Variants in ABT1 observed in about 807,000 individuals in gnomAD.
The protein encoded by ABT1 is activator of basal transcription 1.
In ABT1, 13 loss-of-function variants were observed where a neutral mutation model predicts 14.0. That is an observed-to-expected ratio of 0.93 (90% CI 0.61 to 1.48). ABT1 has a LOEUF of 1.48. Ranked by LOEUF, ABT1 falls within the 40% of genes most tolerant of loss-of-function variation. The probability of loss-of-function intolerance (pLI) is 0.00; values close to 1 mark genes in which losing one functional copy is unlikely to be tolerated. For missense variants in ABT1, 430 were observed against 380.0 expected, an observed-to-expected ratio of 1.13 and a Z score of -1.09; for synonymous variants, 165 against 144.6, an observed-to-expected ratio of 1.14 and a Z score of -1.01.
rs548561536 is a variant in ABT1, at chr6:26,598,171, A to G, written c.438+61A>G. 3.0e-5 allele frequency: 47 copies of G among 1,577,198 alleles called. No homozygotes were observed. In the South Asian group the frequency reaches 3.2e-4, roughly 11 times the overall value. Reference sequence around the variant, plus strand: ...CTCCCTTCTCCCCAACTCTGGCCCAAGTATCCCCATGGCCTCTCATTGGCC... The same window carrying G: ...CTCCCTTCTCCCCAACTCTGGCCCAGGTATCCCCATGGCCTCTCATTGGCC... On this transcript the variant is annotated intron_variant, in intron 2 of 2. Transcript: ENST00000274849.
chr6:26,598,440 C>G lies in ABT1; in HGVS notation c.614C>G (p.Pro205Arg). The G allele has an allele frequency of 1.9e-6, 3 of 1,614,204 alleles. No individual in the cohort carries two copies. Among genetic ancestry groups the G allele is most frequent in the Non-Finnish European group, 2.5e-6 (3 of 1,180,016 alleles). ...GCGGCCGATGGGGACCCTGCTCGCC[C>G]AGATGGCTCCTGGACATTTGCCCAG... The part of the protein sequence containing the change: ...FLAADGDPAR[P>R]DGSWTFAQRP... The change falls in exon 3 of 3, where the codon CCA becomes CGA. Residue 205 changes from proline (P) to arginine (R), a missense_variant. By Grantham distance (103) the Pro-to-Arg change is moderately radical. Transcript: ENST00000274849.
Position 26,596,959 on chromosome 6 carries a change from G to T in ABT1, c.-24G>T. 1 of 1,601,060 alleles carries T rather than the reference G, an allele frequency of 6.2e-7. No homozygotes were observed. The highest frequency in any genetic ancestry group is 8.5e-7 in the Non-Finnish European group (1 of 1,174,270). On this transcript the variant is annotated 5_prime_UTR_variant, in exon 1 of 3. Coordinates refer to ENST00000274849, the MANE Select transcript of ABT1 (RefSeq NM_013375.4). Reference sequence around the variant, plus strand: ...TCAGTTGGCAAGGCACTTTACGGCCGTCGTGCCGCTCGTGTCAGTCAACAT... The same window carrying T: ...TCAGTTGGCAAGGCACTTTACGGCCTTCGTGCCGCTCGTGTCAGTCAACAT...
chr6:26,597,992 A>AG lies in ABT1; in HGVS notation c.323dup (p.Trp109MetfsTer6). On this transcript the variant is annotated frameshift_variant, in exon 2 of 3. Coordinates refer to ENST00000274849, the MANE Select transcript of ABT1 (RefSeq NM_013375.4). LOFTEE classifies it high-confidence loss of function. ...CGGTCCTACACCAAGGACTACACCGAGGGATGGGTGGAGTTCCGTGACAAG... is the reference window on the plus strand; with the variant it reads ...CGGTCCTACACCAAGGACTACACCGAGGGGATGGGTGGAGTTCCGTGACAAG... 6.2e-7 allele frequency: 1 copy of AG among 1,614,226 alleles called. No individual in the cohort carries two copies. The highest frequency in any genetic ancestry group is 1.3e-5 in the African/African-American group (1 of 75,052).
rs1245406378 is a variant in ABT1 at position 26,598,714 on chromosome 6, G to A, written c.*69G>A. The A allele has an allele frequency of 1.8e-5, 27 of 1,484,844 alleles. No individual in the cohort carries two copies. Among genetic ancestry groups the A allele is most frequent in the Non-Finnish European group, 2.4e-5 (27 of 1,120,520 alleles). 92.0% of individuals were successfully genotyped at this position (1,484,844 alleles called of 1,614,324 possible). A position where few individuals can be genotyped will look rare whatever the true frequency, so the allele number is the denominator to read the frequency against. On this transcript the variant is annotated 3_prime_UTR_variant, in exon 3 of 3. Transcript: ENST00000274849. ...CTGTCTACCTCATACTAGAATGATC[G>A]TGACTACCCGGGCAGACATTTTACT...
rs917214516 is a variant in ABT1, at chr6:26,599,513, C to T, written c.*868C>T. Reference sequence around the variant, plus strand: ...TCAATGGGAACCTGATTGATGATCACAGTCTTCAGTGGTGAGTCAGTCCTC... The same window carrying T: ...TCAATGGGAACCTGATTGATGATCATAGTCTTCAGTGGTGAGTCAGTCCTC... On this transcript the variant is annotated 3_prime_UTR_variant, in exon 3 of 3. Coordinates refer to ENST00000274849, the MANE Select transcript of ABT1 (RefSeq NM_013375.4). The T allele has an allele frequency of 9.2e-5, 14 of 152,216 alleles. No individual in the cohort carries two copies. The highest frequency in any genetic ancestry group is 2.1e-4 in the South Asian group (1 of 4,836). 9.4% of individuals were successfully genotyped at this position (152,216 alleles called of 1,614,324 possible). A position where few individuals can be genotyped will look rare whatever the true frequency, so the allele number is the denominator to read the frequency against.
At position 26,598,438 on chromosome 6, in the gene ABT1, C is replaced by T. The variant is rs1421434682; in HGVS notation, c.612C>T (p.Arg204=). ...TTGCGGCCGATGGGGACCCTGCTCGCCCAGATGGCTCCTGGACATTTGCCC... is the reference window on the plus strand; with the variant it reads ...TTGCGGCCGATGGGGACCCTGCTCGTCCAGATGGCTCCTGGACATTTGCCC... ...RFLAADGDPA[R]PDGSWTFAQR... Residue 204 remains arginine, a synonymous_variant, in exon 3 of 3, where the codon CGC becomes CGT. Coordinates refer to ENST00000274849, the MANE Select transcript of ABT1 (RefSeq NM_013375.4). The T allele has an allele frequency of 1.2e-6, 2 of 1,614,232 alleles. No individual in the cohort carries two copies. The highest frequency in any genetic ancestry group is 1.7e-6 in the Non-Finnish European group (2 of 1,180,040).
Position 26,597,935 on chromosome 6 carries a change from AG to A in ABT1, c.264del (p.Lys89ArgfsTer29). The A allele has an allele frequency of 6.2e-7, 1 of 1,613,092 alleles. No homozygotes were observed. The highest frequency in any genetic ancestry group is 8.5e-7 in the Non-Finnish European group (1 of 1,179,294). On this transcript the variant is annotated frameshift_variant, in exon 2 of 3. Transcript: ENST00000274849. LOFTEE classifies it high-confidence loss of function. Reference sequence around the variant, plus strand: ...GCAGACCGGTTCGTGAGACGCAAGAAGAAGGCAGCAGCAGCTGCCGGAGGAA... The same window carrying A: ...GCAGACCGGTTCGTGAGACGCAAGAAAAGGCAGCAGCAGCTGCCGGAGGAA... ...QAEDRFVRRK[K>X]KAAAAAGGKK...
At chr6:26,597,364 T>C (rs918285575) in intron 1 of ABT1, 141 bp downstream of exon 1, 14 of 1,144,740 alleles carry the variant, frequency 1.2e-5, no homozygotes, top group Admixed American at 8.1e-5. Flanking sequence ...GGTGCTTGGC[T>C]CCTGGCTGGT....
chr6:26,598,737 ACTGTG>A lies in ABT1; in HGVS notation c.*93_*97del. The stretch of plus-strand genomic sequence containing the variant: ...TCGTGACTACCCGGGCAGACATTTT[ACTGTG>A]TTTCTCAGACCAAGTGTCTACTGAT... On this transcript the variant is annotated 3_prime_UTR_variant, in exon 3 of 3. Transcript: ENST00000274849. 6.9e-7 allele frequency: 1 copy of A among 1,454,880 alleles called. No homozygotes were observed. The highest frequency in any genetic ancestry group is 9.1e-7 in the Non-Finnish European group (1 of 1,102,112). The allele number at this position is 1,454,880 out of a possible 1,614,324, so 90.1% of individuals were successfully genotyped here.
In ABT1 at chr6:26,598,398, G is replaced by A. The variant is rs558509966; in HGVS notation, c.572G>A (p.Arg191Gln). 4 of 1,614,258 alleles carry A rather than the reference G, an allele frequency of 2.5e-6. No individual in the cohort carries two copies. The South Asian group carries it at 3.3e-5, about 13-fold the overall frequency. The change falls in exon 3 of 3, where the codon CGG (arginine) becomes CAG (glutamine). Residue 191 changes from arginine (R) to glutamine (Q), a missense_variant. Transcript: ENST00000274849. ...ETDFYLQSVE[R>Q]GQRFLAADGD... Reference sequence around the variant, plus strand: ...GACTTCTATCTTCAAAGTGTGGAACGGGGACAACGCTTTCTTGCGGCCGAT... The same window carrying A: ...GACTTCTATCTTCAAAGTGTGGAACAGGGACAACGCTTTCTTGCGGCCGAT...
rs1764947578 is a variant in ABT1 at position 26,599,374 on chromosome 6, A to G, written c.*729A>G. 6.6e-6 allele frequency: 1 copy of G among 152,190 alleles called. No individual in the cohort carries two copies. Among genetic ancestry groups the G allele is most frequent in the African/African-American group, 2.4e-5 (1 of 41,438 alleles). The allele number at this position is 152,190 out of a possible 1,614,324, so 9.4% of individuals were successfully genotyped here. A position where few individuals can be genotyped will look rare whatever the true frequency, so the allele number is the denominator to read the frequency against. ...CATTGTTTGAGGAAACAGTGACAAT[A>G]GGTAATAACACATCTTAGTATTAAG... On this transcript the variant is annotated 3_prime_UTR_variant, in exon 3 of 3. Coordinates refer to ENST00000274849, the MANE Select transcript of ABT1 (RefSeq NM_013375.4).
rs536915270 is a variant in ABT1, at chr6:26,597,035, G to A, written c.53G>A (p.Gly18Glu). The A allele has an allele frequency of 7.4e-6, 12 of 1,613,734 alleles. No homozygotes were observed. In the African/African-American group the frequency reaches 9.3e-5, roughly 13 times the overall value. ...KAATEQEPLE[G>E]TEQTLDAEEE... ...GCAACGGAGCAAGAGCCGCTGGAAG[G>A]GACAGAACAGACACTAGATGCGGAG... The change falls in exon 1 of 3, where the codon GGG becomes GAG. Residue 18 changes from glycine (G) to glutamate (E), a missense_variant. Physicochemically the swap from Gly to Glu is moderately conservative, Grantham distance 98. Transcript: ENST00000274849.
rs542857492 is a variant in ABT1, at chr6:26,600,497, C to T, written c.*1852C>T. ...ACAGTTCTGTACAAAGAGCTCACAC[C>T]TGCGGCCAGGCAAGCTAAGTAAGTC... On this transcript the variant is annotated 3_prime_UTR_variant, in exon 3 of 3. Coordinates refer to ENST00000274849, the MANE Select transcript of ABT1 (RefSeq NM_013375.4). The T allele has an allele frequency of 6.6e-6, 1 of 152,234 alleles. No individual in the cohort carries two copies. Among genetic ancestry groups the T allele is most frequent in the Admixed American group, 6.5e-5 (1 of 15,286 alleles). 9.4% of individuals were successfully genotyped at this position (152,234 alleles called of 1,614,324 possible). A position where few individuals can be genotyped will look rare whatever the true frequency, so the allele number is the denominator to read the frequency against.
Position 26,598,849 on chromosome 6 carries a change from A to G in ABT1, c.*204A>G. On this transcript the variant is annotated 3_prime_UTR_variant, in exon 3 of 3. Transcript: ENST00000274849. ...TGCCTGGCTGAGTCACCTAATTCAT[A>G]CTGTCATACTAGCATAATTATGACT... is the stretch of plus-strand genomic sequence containing the variant. 1.8e-6 allele frequency: 1 copy of G among 556,740 alleles called. No homozygotes were observed. The highest frequency in any genetic ancestry group is 3.0e-6 in the Non-Finnish European group (1 of 331,266). 34.5% of individuals were successfully genotyped at this position (556,740 alleles called of 1,614,324 possible). A position where few individuals can be genotyped will look rare whatever the true frequency, so the allele number is the denominator to read the frequency against.
Position 26,598,055 on chromosome 6 carries a change from C to CGCCTATGG in ABT1, c.385_392dup (p.Ala132LeufsTer43), listed in dbSNP as rs1764927107. On this transcript the variant is annotated frameshift_variant, in exon 2 of 3. Coordinates refer to ENST00000274849, the MANE Select transcript of ABT1 (RefSeq NM_013375.4). LOFTEE classifies it high-confidence loss of function. ...CGCGTGGCGGCCAGTCTACACAACACGCCTATGGGTGCCCGCAGGCGCAGC... is the reference window on the plus strand; with the variant it reads ...CGCGTGGCGGCCAGTCTACACAACACGCCTATGGGCCTATGGGTGCCCGCAGGCGCAGC... The CGCCTATGG allele has an allele frequency of 1.2e-6, 2 of 1,614,086 alleles. No homozygotes were observed. The highest frequency in any genetic ancestry group is 2.7e-5 in the African/African-American group (2 of 74,950).
In ABT1 at chr6:26,599,370, CAATAGGT is replaced by C. The variant is rs1425338037; in HGVS notation, c.*730_*736del. 2 of 152,042 alleles carry C rather than the reference CAATAGGT, an allele frequency of 1.3e-5. No homozygotes were observed. The highest frequency in any genetic ancestry group is 4.8e-5 in the African/African-American group (2 of 41,384). The allele number at this position is 152,042 out of a possible 1,614,324, so 9.4% of individuals were successfully genotyped here. A position where few individuals can be genotyped will look rare whatever the true frequency, so the allele number is the denominator to read the frequency against. ...AAGCCATTGTTTGAGGAAACAGTGA[CAATAGGT>C]AATAACACATCTTAGTATTAAGAGT... On this transcript the variant is annotated 3_prime_UTR_variant, in exon 3 of 3. Coordinates refer to ENST00000274849, the MANE Select transcript of ABT1 (RefSeq NM_013375.4).
At position 26,596,997 on chromosome 6, in the gene ABT1, A is replaced by G; in HGVS notation, c.15A>G (p.Glu5=). Reference sequence around the variant, plus strand: ...TGTCAGTCAACATGGAGGCAGAGGAATCGGAGAAGGCCGCAACGGAGCAAG... The same window carrying G: ...TGTCAGTCAACATGGAGGCAGAGGAGTCGGAGAAGGCCGCAACGGAGCAAG... MEAE[E]SEKAATEQEP... is the part of the protein sequence containing the mutation. Residue 5 remains glutamate, a synonymous_variant, in exon 1 of 3, where the codon GAA becomes GAG. Transcript: ENST00000274849. 1.2e-6 allele frequency: 2 copies of G among 1,611,770 alleles called. No homozygotes were observed. The highest frequency in any genetic ancestry group is 1.7e-6 in the Non-Finnish European group (2 of 1,179,272).
chr6:26,597,375 G>T, intron 1 of ABT1, 152 bp downstream of exon 1: 4 of 726,226 alleles, frequency 5.5e-6, no homozygotes, highest in African/African-American at 1.9e-5. Flanking sequence ...CCTGGCTGGT[G>T]AATCAGTCTG....
Position 26,597,184 on chromosome 6 carries a change from G to C in ABT1, c.202G>C (p.Ala68Pro). The C allele has an allele frequency of 6.2e-7, 1 of 1,614,254 alleles. No individual in the cohort carries two copies. The highest frequency in any genetic ancestry group is 8.5e-7 in the Non-Finnish European group (1 of 1,180,050). ...CCTGCACGTCCGCAACCTTCTCAGC[G>C]CCTATGGCGAGGTCGGACGCGTCTT... ...RPLHVRNLLS[A>P]YGEVGRVFFQ... Residue 68 changes from alanine (A) to proline (P), a missense_variant, in exon 1 of 3, where the codon GCC becomes CCC. Coordinates refer to ENST00000274849, the MANE Select transcript of ABT1 (RefSeq NM_013375.4).
Sources: allele counts gnomAD v4.1 joint callset, GRCh38; gene constraint gnomAD v4.1.1; transcripts MANE v1.5; gene names NCBI Gene and HGNC (gene_info 2026-07-23, HGNC 2026-07-21).